Variants in ROR1 observed in about 807,000 individuals in gnomAD.
ROR1 encodes ROR family WNT receptor 1, also known as inactive tyrosine-protein kinase transmembrane receptor ROR1.
A neutral mutation model predicts 78.8 loss-of-function variants in ROR1; 19 were observed. The ratio of observed to expected loss-of-function variants is 0.24; its 90% confidence interval spans 0.17 to 0.35. The LOEUF (loss-of-function observed/expected upper bound fraction) is 0.35. Ranked by LOEUF, ROR1 falls within the 10% of genes least tolerant of loss-of-function variation. ROR1 has a pLI of 1.00. For missense variants in ROR1, 917 were observed against 1,177.8 expected (o/e 0.78, Z 3.24); for synonymous variants, 386 against 433.6 (o/e 0.89, Z 1.36).
intron 1 of ROR1, among the ~76,000 whole-genome samples, chr1:63,887,263 C>T (rs1415393280): frequency 1.3e-5 from 2 of 152,058 alleles, no homozygotes; most frequent in African/African-American, 4.8e-5. Context: ...GCTTGTTCAC[C>T]CTGAGTTGCT....
At chr1:63,869,930 G>A (rs193163236) in intron 1 of ROR1, among the ~76,000 whole-genome samples, 4 of 152,302 alleles carry the variant, frequency 2.6e-5, no homozygotes, top group African/African-American at 9.6e-5. Context: ...TGACTGGCAT[G>A]TTATAAAGCT....
intron 4 of ROR1, among the ~76,000 whole-genome samples, chr1:64,077,388 A>T (rs553605969): frequency 6.6e-6 from 1 of 152,142 alleles, no homozygotes; most frequent in Non-Finnish European, 1.5e-5. Context: ...GGGCTTTCAC[A>T]CCCTCACGTA....
chr1:63,815,183 C>G (rs1027332799), intron 1 of ROR1, among the ~76,000 whole-genome samples: 16 of 152,214 alleles, frequency 1.1e-4, no homozygotes, highest in African/African-American at 3.9e-4. Context: ...CTAGTTCCCC[C>G]AGGTCATTCT....
At chr1:64,081,431 T>C (rs1457305285) in intron 4 of ROR1, among the ~76,000 whole-genome samples, 1 of 152,142 alleles carries the variant, frequency 6.6e-6, no homozygotes, top group Non-Finnish European at 1.5e-5. Flanking sequence ...GAAAAAATAA[T>C]ATACATGAAG....
At chr1:63,906,544 A>G (rs1360798581) in intron 1 of ROR1, among the ~76,000 whole-genome samples, 2 of 152,146 alleles carry the variant, frequency 1.3e-5, no homozygotes, top group African/African-American at 2.4e-5. Flanking sequence ...GCTCAAGGTT[A>G]AGCGCTGCAG....
At chr1:64,177,324 T>A in intron 8 of ROR1, 104 bp from the exon 9 acceptor site, 1 of 847,064 alleles carries the variant, frequency 1.2e-6, no homozygotes, top group Non-Finnish European at 1.9e-6. Context: ...TTATTGAATT[T>A]GTTTATAGAA....
chr1:64,027,808 C>A (rs1199367832), intron 2 of ROR1, among the ~76,000 whole-genome samples: 1 of 152,014 alleles, frequency 6.6e-6, no homozygotes, highest in Non-Finnish European at 1.5e-5. Context: ...CTGCCTCAGC[C>A]TCCTGAGTAT....
At position 64,177,819 on chromosome 1, in the gene ROR1, T is replaced by C; in HGVS notation, c.1778T>C (p.Leu593Pro). Residue 593 changes from leucine to proline, a missense_variant, in exon 9 of 9, where the codon CTG becomes CCG. By Grantham distance (98) the Leu-to-Pro change is moderately conservative. Around this residue, in one of 3 missense-constraint regions of ROR1, gnomAD observed 835 missense variants for 1,069.8 expected, o/e 0.78. Coordinates refer to ENST00000371079, the MANE Select transcript of ROR1 (RefSeq NM_005012.4). ...VKSSLDHGDF[L>P]HIAIQIAAGM... The stretch of plus-strand genomic sequence containing the variant: ...TCCAGCCTGGACCACGGAGATTTTC[T>C]GCACATTGCAATTCAGATTGCAGCT... The C allele has an allele frequency of 6.2e-7, 1 of 1,614,244 alleles. No individual in the cohort carries two copies. Among genetic ancestry groups the C allele is most frequent in the Non-Finnish European group, 8.5e-7 (1 of 1,180,038 alleles).
At chr1:63,950,988 C>T (rs1190276709) in intron 1 of ROR1, among the ~76,000 whole-genome samples, 1 of 152,186 alleles carries the variant, frequency 6.6e-6, no homozygotes, top group Non-Finnish European at 1.5e-5. Flanking sequence ...ACTACATTTA[C>T]TAGAAAATCC....
At chr1:64,122,598 A>G (rs1648580990) in intron 4 of ROR1, among the ~76,000 whole-genome samples, 3 of 152,168 alleles carry the variant, frequency 2.0e-5, no homozygotes, top group South Asian at 2.1e-4. Flanking sequence ...TAGGCCACCA[A>G]TAAATATCTG....
intron 8 of ROR1, among the ~76,000 whole-genome samples, chr1:64,160,758 T>C (rs1649917254): frequency 6.6e-6 from 1 of 152,144 alleles, no homozygotes; most frequent in African/African-American, 2.4e-5. Flanking sequence ...AGTGTAAGAG[T>C]CATTGTTCCA....
intron 1 of ROR1, among the ~76,000 whole-genome samples, chr1:63,935,374 G>T (rs1261388791): frequency 6.6e-6 from 1 of 152,208 alleles, no homozygotes; most frequent in African/African-American, 2.4e-5. Flanking sequence ...AGAGGGCACA[G>T]CCTGTGCCAA....
At chr1:63,928,096 A>G (rs564595220) in intron 1 of ROR1, among the ~76,000 whole-genome samples, 76 of 152,234 alleles carry the variant, frequency 5.0e-4, no homozygotes, top group Admixed American at 2.0e-3. Context: ...CAAATGGCCA[A>G]TTCCATCTTA....
At position 63,863,804 on chromosome 1, in the gene ROR1, T is replaced by TTGTATTGTATTGTATTGTAA. The variant is rs1273822103; in HGVS notation, c.91+89296_91+89297insTGTATTGTATTGTATTGTAA. On this transcript the variant is annotated intron_variant, in intron 1 of 8. Transcript: ENST00000371079. Reference sequence around the variant, plus strand: ...TTGTATTGTATTGTATTGTATTGTATCATAGATGGCGATACTTGTTCAGTT... The same window carrying TTGTATTGTATTGTATTGTAA: ...TTGTATTGTATTGTATTGTATTGTATTGTATTGTATTGTATTGTAACATAGATGGCGATACTTGTTCAGTT... Among the ~76,000 whole-genome samples the TTGTATTGTATTGTATTGTAA allele has an allele frequency of 2.2e-3, 261 of 121,000 alleles. 25 individuals carry two copies. Among genetic ancestry groups the TTGTATTGTATTGTATTGTAA allele is most frequent in the African/African-American group, 8.0e-3 (200 of 24,984 alleles). 79.4% of individuals were successfully genotyped at this position (121,000 alleles called of 152,430 possible). A position where few individuals can be genotyped will look rare whatever the true frequency, so the allele number is the denominator to read the frequency against.
At chr1:64,104,409 C>T (rs1484275241) in intron 4 of ROR1, among the ~76,000 whole-genome samples, 1 of 152,118 alleles carries the variant, frequency 6.6e-6, no homozygotes, top group Non-Finnish European at 1.5e-5. Context: ...AGGAAAATCA[C>T]AAGTGTGCCC....
chr1:64,026,866 G>A (rs1398773104), intron 2 of ROR1, among the ~76,000 whole-genome samples: 3 of 152,124 alleles, frequency 2.0e-5, no homozygotes, highest in Non-Finnish European at 4.4e-5. Context: ...GGGGATTATG[G>A]GGATTACAAT....
chr1:63,846,397 A>G (rs2100323350), intron 1 of ROR1, among the ~76,000 whole-genome samples: 1 of 152,162 alleles, frequency 6.6e-6, no homozygotes, highest in Middle Eastern at 3.4e-3. Flanking sequence ...GCTGTTTTCG[A>G]TAACCTCAGC....
At chr1:63,796,401 T>C (rs940398925) in intron 1 of ROR1, among the ~76,000 whole-genome samples, 1 of 152,224 alleles carries the variant, frequency 6.6e-6, no homozygotes, top group African/African-American at 2.4e-5. Flanking sequence ...CTCAGGCTCC[T>C]CTCCAGAACT....
intron 8 of ROR1, among the ~76,000 whole-genome samples, chr1:64,166,812 G>A (rs529620352): frequency 2.6e-5 from 4 of 152,218 alleles, no homozygotes; most frequent in African/African-American, 9.6e-5. Flanking sequence ...AAATCCATCA[G>A]GGTGGAGAAG....
Sources: gnomAD v4.1 joint callset for allele counts (sites outside exome capture counted in the v4.1 genomes callset) on GRCh38, gnomAD v4.1.1 for gene constraint, gnomAD v4.1.1 regional missense constraint, MANE v1.5 for transcripts, NCBI Gene and HGNC (gene_info 2026-07-23, HGNC 2026-07-21) for gene names.